TMEM135: variants seen among roughly 807,000 people sequenced by gnomAD.
TMEM135 encodes peroxisomal membrane protein 52.
TMEM135 carries 30 observed loss-of-function variants against 60.3 expected under a neutral mutation model. The ratio of observed to expected loss-of-function variants is 0.50; its 90% CI spans 0.37 to 0.68. The LOEUF (loss-of-function observed/expected upper bound fraction) is 0.68. Ranked by LOEUF, TMEM135 falls within the 30% of genes least tolerant of loss-of-function variation. The pLI is 0.00. For missense variants in TMEM135, 468 were observed against 548.8 expected, an observed-to-expected ratio of 0.85 and a Z score of 1.47; for synonymous variants, 190 against 186.7, an observed-to-expected ratio of 1.02 and a Z score of -0.14.
intron 11 of TMEM135, among the ~76,000 whole-genome samples, chr11:87,314,033 T>G (rs192350971): frequency 6.6e-5 from 10 of 151,982 alleles, no homozygotes; most frequent in Middle Eastern, 3.4e-3. Context: ...GTTTTCCATT[T>G]ATATAATGAA....
At chr11:87,135,360 T>C (rs1054784634) in intron 4 of TMEM135, among the ~76,000 whole-genome samples, 2 of 152,272 alleles carry the variant, frequency 1.3e-5, no homozygotes, top group South Asian at 4.1e-4. Flanking sequence ...TTCTAGATTT[T>C]ACGTTTAACT....
intron 4 of TMEM135, among the ~76,000 whole-genome samples, chr11:87,135,977 A>G (rs531323656): frequency 5.9e-5 from 9 of 152,110 alleles, no homozygotes; most frequent in African/African-American, 7.2e-5. Context: ...AACCACAAGT[A>G]TTTAATATTT....
intron 4 of TMEM135, among the ~76,000 whole-genome samples, chr11:87,098,384 T>C (rs2445540): frequency 0.012 from 1,619 of 130,632 alleles, 106 homozygotes; most frequent in Admixed American, 0.11. Context: ...AAGTAAAACC[T>C]TGCTTTATTT....
intron 1 of TMEM135, among the ~76,000 whole-genome samples, chr11:87,044,722 C>A (rs1457518497): frequency 6.6e-6 from 1 of 152,090 alleles, no homozygotes; most frequent in African/African-American, 2.4e-5. Flanking sequence ...ACAATCTCGG[C>A]TAACTGCAAG....
chr11:87,142,885 G>T (rs1236114448), intron 4 of TMEM135, among the ~76,000 whole-genome samples: 1 of 147,734 alleles, frequency 6.8e-6, no homozygotes, highest in Non-Finnish European at 1.5e-5. Flanking sequence ...GAAGGTTTTT[G>T]ACAATCATTT....
chr11:87,316,831 A>G (rs1942740074), intron 12 of TMEM135, among the ~76,000 whole-genome samples: 1 of 151,480 alleles, frequency 6.6e-6, no homozygotes, highest in Non-Finnish European at 1.5e-5. Flanking sequence ...ATCAGGCCAT[A>G]TCTGATCCTG....
chr11:87,244,914 G>C (rs534600507), intron 6 of TMEM135, among the ~76,000 whole-genome samples: 3 of 151,072 alleles, frequency 2.0e-5, no homozygotes, highest in South Asian at 2.1e-4. Context: ...GTTTGCTCTT[G>C]CTTTTCTAGT....
chr11:87,294,361 A>G (rs1942314775), intron 6 of TMEM135, among the ~76,000 whole-genome samples: 2 of 152,186 alleles, frequency 1.3e-5, no homozygotes, highest in African/African-American at 4.8e-5. Context: ...ATAGAGGAAT[A>G]ATTGCCCTGT....
intron 3 of TMEM135, among the ~76,000 whole-genome samples, chr11:87,083,778 A>G (rs573441130): frequency 6.6e-6 from 1 of 152,286 alleles, no homozygotes; most frequent in South Asian, 2.1e-4. Flanking sequence ...ATTAATTCCT[A>G]TGCCTCAAGG....
chr11:87,155,570 G>A (rs1938673633), intron 4 of TMEM135, among the ~76,000 whole-genome samples: 1 of 152,152 alleles, frequency 6.6e-6, no homozygotes, highest in South Asian at 2.1e-4. Flanking sequence ...TTGTAGCAGA[G>A]AGAGATGTTT....
At chr11:87,045,499 C>T (rs2135108284) in intron 1 of TMEM135, among the ~76,000 whole-genome samples, 1 of 151,424 alleles carries the variant, frequency 6.6e-6, no homozygotes. Flanking sequence ...TAGAGCAGGC[C>T]AATTCTGATT....
At chr11:87,286,059 G>A (rs1942159110) in intron 6 of TMEM135, among the ~76,000 whole-genome samples, 1 of 152,148 alleles carries the variant, frequency 6.6e-6, no homozygotes, top group African/African-American at 2.4e-5. Flanking sequence ...GACACAGGGT[G>A]CTGATTGGTG....
chr11:87,061,138 C>G (rs1305330811), intron 1 of TMEM135, among the ~76,000 whole-genome samples: 2 of 151,958 alleles, frequency 1.3e-5, no homozygotes, highest in Non-Finnish European at 2.9e-5. Flanking sequence ...GGCACAAGTG[C>G]TATATAAGCA....
At chr11:87,082,940 G>A (rs997229837) in intron 3 of TMEM135, among the ~76,000 whole-genome samples, 1 of 152,098 alleles carries the variant, frequency 6.6e-6, no homozygotes, top group Admixed American at 6.6e-5. Flanking sequence ...TATTTAATGA[G>A]GTGAGAACAT....
At chr11:87,138,494 A>C (rs1591048686) in intron 4 of TMEM135, among the ~76,000 whole-genome samples, 1 of 148,912 alleles carries the variant, frequency 6.7e-6, no homozygotes, top group East Asian at 1.9e-4. Context: ...TTGCTAAACC[A>C]CATACCCCAA....
At chr11:87,271,022 A>C (rs556971043) in intron 6 of TMEM135, among the ~76,000 whole-genome samples, 1 of 152,146 alleles carries the variant, frequency 6.6e-6, no homozygotes, top group Non-Finnish European at 1.5e-5. Context: ...ACACCCGAAT[A>C]AATCATAATT....
At chr11:87,223,696 C>CACACACACAT (rs1326714722) in intron 5 of TMEM135, among the ~76,000 whole-genome samples, 1 of 149,408 alleles carries the variant, frequency 6.7e-6, no homozygotes, top group African/African-American at 2.5e-5. Flanking sequence ...CACACACACA[C>CACACACACAT]AAAATTAGCT....
At chr11:87,169,507 A>T (rs1158703578) in intron 5 of TMEM135, among the ~76,000 whole-genome samples, 1 of 151,612 alleles carries the variant, frequency 6.6e-6, no homozygotes, top group African/African-American at 2.4e-5. Context: ...GTGGTGACAA[A>T]ATCTCTTAGC....
At chr11:87,282,055 G>T (rs565124573) in intron 6 of TMEM135, among the ~76,000 whole-genome samples, 5 of 152,212 alleles carry the variant, frequency 3.3e-5, no homozygotes, top group African/African-American at 9.7e-5. Flanking sequence ...AAGTTGCAGA[G>T]ATTGTTGGGC....
Sources: gnomAD v4.1 joint callset for allele counts (sites outside exome capture counted in the v4.1 genomes callset) on GRCh38, gnomAD v4.1.1 for gene constraint, MANE v1.5 for transcripts, NCBI Gene and HGNC (gene_info 2026-07-23, HGNC 2026-07-21) for gene names.